The following SOX5 variants were observed in gnomAD, a reference collection of about 807,000 sequenced individuals.
SOX5 encodes transcription factor SOX-5.
In SOX5, 9 loss-of-function variants were observed where a neutral mutation model predicts 92.0. The observed-to-expected ratio is 0.10, with a 90% CI of 0.06 to 0.17. The LOEUF is 0.17. Among genes scored for constraint, SOX5 ranks in the 10% least tolerant of loss-of-function variants. SOX5 has a pLI of 1.00. For synonymous variants in SOX5, 344 were observed against 336.3 expected (o/e 1.02, Z -0.25); for missense variants, 642 against 944.5 (o/e 0.68, Z 4.20).
chr12:24,402,269 T>C (rs1961902759), intron 1 of SOX5, among the ~76,000 whole-genome samples: 2 of 152,196 alleles, frequency 1.3e-5, no homozygotes, highest in South Asian at 4.1e-4. Context: ...CATTAAAATA[T>C]TTACACACTT....
intron 2 of SOX5, among the ~76,000 whole-genome samples, chr12:24,362,331 C>A (rs1018768517): frequency 7.9e-5 from 12 of 152,152 alleles, no homozygotes; most frequent in African/African-American, 2.7e-4. Context: ...AATTCAGTCC[C>A]ATCATCTTTT....
intron 7 of SOX5, among the ~76,000 whole-genome samples, chr12:23,644,954 C>T (rs1346957849): frequency 6.6e-6 from 1 of 152,174 alleles, no homozygotes; most frequent in Non-Finnish European, 1.5e-5. Context: ...CTGTGGTACT[C>T]TTCACAGTGA....
At chr12:24,359,480 G>A (rs545132284) in intron 2 of SOX5, among the ~76,000 whole-genome samples, 9 of 152,262 alleles carry the variant, frequency 5.9e-5, no homozygotes, top group African/African-American at 2.2e-4. Flanking sequence ...AATACCTTTT[G>A]AAATGTTTAC....
chr12:24,459,228 T>A lies in SOX5; in HGVS notation c.-250-90589A>T, dbSNP rs145173337. Among the ~76,000 whole-genome samples the A allele has an allele frequency of 3.7e-3, 559 of 152,264 alleles. 7 individuals carry two copies. The highest frequency in any genetic ancestry group is 0.013 in the African/African-American group (532 of 41,548). On this transcript the variant is annotated intron_variant, in intron 1 of 4. Transcript: ENST00000446891. ...ACTTGCTAGTATGTTTTCCAAGCCATGAATTTGCAGGTTTCTTGCGCACGC... is the reference window on the plus strand; with the variant it reads ...ACTTGCTAGTATGTTTTCCAAGCCAAGAATTTGCAGGTTTCTTGCGCACGC...
chr12:24,377,833 A>G (rs1454682840), intron 1 of SOX5, among the ~76,000 whole-genome samples: 3 of 152,242 alleles, frequency 2.0e-5, no homozygotes, highest in Non-Finnish European at 4.4e-5. Context: ...GGTACCCAGT[A>G]AGCCCCTAAT....
At chr12:24,139,153 T>C (rs1950352220) in intron 4 of SOX5, among the ~76,000 whole-genome samples, 1 of 152,230 alleles carries the variant, frequency 6.6e-6, no homozygotes, top group South Asian at 2.1e-4. Flanking sequence ...TATTATACAC[T>C]GACACTCTCT....
At chr12:24,059,836 GTACTGTGAAGGA>G (rs1939324331) in intron 4 of SOX5, among the ~76,000 whole-genome samples, 1 of 152,158 alleles carries the variant, frequency 6.6e-6, no homozygotes, top group Non-Finnish European at 1.5e-5. Context: ...AAGATTCCAG[GTACTGTGAAGGA>G]TACTGTGGGA....
chr12:24,103,085 T>C (rs974642045), intron 4 of SOX5, among the ~76,000 whole-genome samples: 2 of 152,168 alleles, frequency 1.3e-5, no homozygotes, highest in African/African-American at 4.8e-5. Context: ...AGAGGCTTCT[T>C]TGAGAATCCA....
intron 3 of SOX5, among the ~76,000 whole-genome samples, chr12:23,817,295 C>G (rs1322972834): frequency 6.6e-6 from 1 of 152,166 alleles, no homozygotes; most frequent in East Asian, 1.9e-4. Flanking sequence ...AAGCATCTTT[C>G]TGCTGGTAGT....
At chr12:23,628,770 C>A (rs1452272038) in intron 8 of SOX5, among the ~76,000 whole-genome samples, 2 of 151,026 alleles carry the variant, frequency 1.3e-5, no homozygotes, top group African/African-American at 4.9e-5. Flanking sequence ...CAGGAAACAG[C>A]AAATTTGAAA....
At chr12:24,068,851 G>T (rs1221388624) in intron 4 of SOX5, among the ~76,000 whole-genome samples, 2 of 150,126 alleles carry the variant, frequency 1.3e-5, no homozygotes, top group Admixed American at 1.3e-4. Context: ...TGGACTTCAA[G>T]GACCCTAAAA....
intron 1 of SOX5, among the ~76,000 whole-genome samples, chr12:24,387,245 T>C (rs1406633863): frequency 6.6e-6 from 1 of 152,208 alleles, no homozygotes; most frequent in African/African-American, 2.4e-5. Context: ...CCTCCTCACA[T>C]ATCAGTTTCA....
intron 1 of SOX5, among the ~76,000 whole-genome samples, chr12:24,436,757 G>A (rs1047617965): frequency 1.3e-5 from 2 of 152,048 alleles, no homozygotes; most frequent in Non-Finnish European, 2.9e-5. Context: ...TTCACAGCTA[G>A]AGAGGAGAAG....
intron 3 of SOX5, among the ~76,000 whole-genome samples, chr12:23,832,752 A>AT (rs143624073): frequency 0.017 from 2,510 of 151,712 alleles, 72 homozygotes; most frequent in African/African-American, 0.058. Flanking sequence ...AAGTAAATAT[A>AT]TTTTTTTACA....
chr12:24,078,140 G>C (rs1337472205), intron 4 of SOX5, among the ~76,000 whole-genome samples: 1 of 151,834 alleles, frequency 6.6e-6, no homozygotes, highest in Non-Finnish European at 1.5e-5. Context: ...GTCCTACAAA[G>C]TTACCTATCG....
intron 3 of SOX5, among the ~76,000 whole-genome samples, chr12:24,220,696 AATTGCATCCCTGCTAGAACTTTTTCTAGC>A (rs1960199273): frequency 6.6e-6 from 1 of 152,276 alleles, no homozygotes; most frequent in African/African-American, 2.4e-5. Context: ...GGAAGTATCT[AATTGCATCCCTGCTAGAACTTTTTCTAGC>A]ATTCTGCCTG....
At chr12:23,947,915 C>T (rs1001270018) in intron 1 of SOX5, among the ~76,000 whole-genome samples, 2 of 151,964 alleles carry the variant, frequency 1.3e-5, no homozygotes, top group Non-Finnish European at 2.9e-5. Flanking sequence ...AACAGGCTTA[C>T]AAATCAGCCT....
chr12:24,016,488 G>T (rs1953625137), intron 4 of SOX5, among the ~76,000 whole-genome samples: 1 of 152,042 alleles, frequency 6.6e-6, no homozygotes, highest in African/African-American at 2.4e-5. Context: ...TTAACCCCTT[G>T]GTCATTTGGC....
chr12:24,140,806 T>C (rs964424830), intron 4 of SOX5, among the ~76,000 whole-genome samples: 1 of 152,150 alleles, frequency 6.6e-6, no homozygotes, highest in Non-Finnish European at 1.5e-5. Context: ...CATCCATAGA[T>C]ATAACGACAA....
Sources: gnomAD v4.1 joint callset for allele counts (sites outside exome capture counted in the v4.1 genomes callset) on GRCh38, gnomAD v4.1.1 for gene constraint, MANE v1.5 for transcripts, NCBI Gene and HGNC (gene_info 2026-07-23, HGNC 2026-07-21) for gene names.